Variants in BOK observed in about 807,000 individuals in gnomAD.
BOK encodes the protein bcl-2-related ovarian killer protein.
In BOK, 20 loss-of-function variants were observed where a neutral mutation model predicts 18.3. The observed-to-expected ratio is 1.09, with a 90% CI of 0.77 to 1.59. BOK has a LOEUF of 1.59. Ranked by LOEUF, BOK falls within the 40% of genes most tolerant of loss-of-function variation. The pLI is 0.00. For missense variants in BOK, 348 were observed against 307.9 expected (o/e 1.13, Z -0.97); for synonymous variants, 173 against 142.4 (o/e 1.21, Z -1.53).
At position 241,562,002 on chromosome 2, in the gene BOK, C is replaced by G. The variant is rs1433578987; in HGVS notation, c.221-346C>G. On this transcript the variant is annotated intron_variant, in intron 2 of 4. Transcript: ENST00000318407. This position sits in a 1 kb window ranked among gnomAD's most constrained non-coding sequence, Gnocchi z 4.5. ...CTGGTCCCTCCTGCTCTGGGCAGCT[C>G]GGCTGCCTGTCGGCTGTGAGTCACC... 6.6e-6 allele frequency among the ~76,000 whole-genome samples: 1 copy of G among 152,242 alleles called. No homozygotes were observed. The highest frequency in any genetic ancestry group is 6.5e-5 in the Admixed American group (1 of 15,294).
At position 241,570,167 on chromosome 2, in the gene BOK, C is replaced by T. The variant is rs776428661; in HGVS notation, c.392C>T (p.Ala131Val). 14 of 1,610,900 alleles carry T rather than the reference C, an allele frequency of 8.7e-6. No homozygotes were observed. The highest frequency in any genetic ancestry group is 4.0e-5 in the African/African-American group (3 of 74,846). ...GTGGTGTCCCTGTATGCGGTGGCCG[C>T]GGGGCTGGCCGTGGACTGTGTGAGG... is the stretch of plus-strand genomic sequence containing the variant. ...GKVVSLYAVA[A>V]GLAVDCVRQA... The change falls in exon 4 of 5, where the codon GCG (alanine) becomes GTG (valine). Residue 131 changes from alanine (A) to valine (V), a missense_variant. Ala to Val is a moderately conservative substitution (Grantham distance 64). Transcript: ENST00000318407.
At chr2:241,560,058 T>C in intron 2 of BOK, 2 of 985,250 alleles carry the variant, frequency 2.0e-6, no homozygotes, top group African/African-American at 1.7e-5. Flanking sequence ...CCGATGTTTA[T>C]TTTGGAAAAC....
At chr2:241,561,215 G>A (rs1001137924) in intron 2 of BOK, among the ~76,000 whole-genome samples, 8 of 152,230 alleles carry the variant, frequency 5.3e-5, no homozygotes, top group African/African-American at 9.7e-5. Flanking sequence ...GCCGGGCTGC[G>A]GACTCCCAAT....
chr2:241,564,896 C>T (rs942397067), intron 3 of BOK, among the ~76,000 whole-genome samples: 12 of 152,216 alleles, frequency 7.9e-5, no homozygotes, highest in Admixed American at 6.5e-4. Flanking sequence ...GGGCGCCTCC[C>T]CCTTCGGCAG....
rs556295242 is a variant in BOK, at chr2:241,567,486, C to T, written c.350-2639C>T. 5.2e-5 allele frequency among the ~76,000 whole-genome samples: 7 copies of T among 135,348 alleles called. 1 individual carries two copies. Among genetic ancestry groups the T allele is most frequent in the South Asian group, 2.5e-4 (1 of 4,020 alleles). 88.8% of individuals were successfully genotyped at this position (135,348 alleles called of 152,430 possible). A position where few individuals can be genotyped will look rare whatever the true frequency, so the allele number is the denominator to read the frequency against. ...AGAACAGGTTGTCCCGCAAGCCACACGCAGTGCTGACATCAGGCTCCGCTC... is the reference window on the plus strand; with the variant it reads ...AGAACAGGTTGTCCCGCAAGCCACATGCAGTGCTGACATCAGGCTCCGCTC... On this transcript the variant is annotated intron_variant, in intron 3 of 4. Coordinates refer to ENST00000318407, the MANE Select transcript of BOK (RefSeq NM_032515.5).
intron 3 of BOK, among the ~76,000 whole-genome samples, chr2:241,564,557 G>A (rs1460986567): frequency 6.6e-6 from 1 of 151,932 alleles, no homozygotes; most frequent in Non-Finnish European, 1.5e-5. Context: ...GGCAGGTGGT[G>A]TGGCTCAGGG....
chr2:241,570,027 G>C (rs567506451), intron 3 of BOK, 98 bp from the exon 4 acceptor site: 1 of 1,405,496 alleles, frequency 7.1e-7, no homozygotes, highest in African/African-American at 1.5e-5. Flanking sequence ...TTAGCTGGAC[G>C]GCAAGCAGGA....
rs1306423513 is a variant in BOK at position 241,562,073 on chromosome 2, T to G, written c.221-275T>G. On this transcript the variant is annotated intron_variant, in intron 2 of 4. Transcript: ENST00000318407. The surrounding 1 kb of genome is among the most constrained non-coding windows in gnomAD (Gnocchi z 4.5). ...TCGCAGGATTCCCGCCCCACCGGCT[T>G]GGCCGGCTAGGCTTAGGGGCTGGCT... 6.6e-6 allele frequency among the ~76,000 whole-genome samples: 1 copy of G among 152,260 alleles called. No individual in the cohort carries two copies. The highest frequency in any genetic ancestry group is 2.4e-5 in the African/African-American group (1 of 41,472).
At position 241,562,751 on chromosome 2, in the gene BOK, G is replaced by T. The variant is rs1018655024; in HGVS notation, c.349+275G>T. ...TGGTTGTAGTTGTGGTCCAGCATCC[G>T]TGGGGCCGCGTGACCTGCAGTCCTG... On this transcript the variant is annotated intron_variant, in intron 3 of 4. Transcript: ENST00000318407. The surrounding 1 kb of genome is among the most constrained non-coding windows in gnomAD (Gnocchi z 4.5). Among the ~76,000 whole-genome samples, 1 of 152,214 alleles carries T rather than the reference G, an allele frequency of 6.6e-6. No individual in the cohort carries two copies.
upstream of BOK, among the ~76,000 whole-genome samples, chr2:241,558,299 C>A (rs953654621): frequency 6.6e-6 from 1 of 151,886 alleles, no homozygotes; most frequent in Non-Finnish European, 1.5e-5. Context: ...GGAGGATATC[C>A]CAATAAAAAG....
At chr2:241,566,590 AAC>A (rs983250052) in intron 3 of BOK, among the ~76,000 whole-genome samples, 16 of 151,970 alleles carry the variant, frequency 1.1e-4, no homozygotes, top group African/African-American at 2.9e-4. Flanking sequence ...GCTGGGAAAA[AAC>A]ACAAATCAGA....
chr2:241,563,631 CCCTTG>C (rs989821616), intron 3 of BOK, among the ~76,000 whole-genome samples: 4 of 152,210 alleles, frequency 2.6e-5, no homozygotes, highest in African/African-American at 9.6e-5. Context: ...GCCTTGCACA[CCCTTG>C]TCTGGGAGCT....
At chr2:241,557,499 C>T (rs1373881921), upstream of BOK, among the ~76,000 whole-genome samples, 6 of 151,844 alleles carry the variant, frequency 4.0e-5, no homozygotes, top group East Asian at 1.9e-4. Flanking sequence ...CTAGTAGAGA[C>T]GGGGTTTTCA....
chr2:241,554,988 A>G (rs1052568206), upstream of BOK, among the ~76,000 whole-genome samples: 2 of 152,144 alleles, frequency 1.3e-5, no homozygotes, highest in Non-Finnish European at 2.9e-5. Flanking sequence ...ACAGAAAATC[A>G]GGGCCAAAGG....
At chr2:241,561,163 C>G (rs1046851794) in intron 2 of BOK, among the ~76,000 whole-genome samples, 2 of 152,180 alleles carry the variant, frequency 1.3e-5, no homozygotes, top group African/African-American at 4.8e-5. Flanking sequence ...CTGGGATGGT[C>G]CGGTCAGCAG....
Position 241,562,393 on chromosome 2 carries a change from CGCGTCAGCT to C in BOK, c.269_277del (p.Arg90_Leu92del). On this transcript the variant is annotated inframe_deletion, in exon 3 of 5. Coordinates refer to ENST00000318407, the MANE Select transcript of BOK (RefSeq NM_032515.5). This position sits in a 1 kb window ranked among gnomAD's most constrained non-coding sequence, Gnocchi z 4.5. The stretch of plus-strand genomic sequence containing the variant: ...CGGCCCAGCGTCTACCGCAACGTGG[CGCGTCAGCT>C]GCACATCTCCCTGCAGTCTGAGCCT... 1 of 1,611,848 alleles carries C rather than the reference CGCGTCAGCT, an allele frequency of 6.2e-7. No homozygotes were observed. Among genetic ancestry groups the C allele is most frequent in the Non-Finnish European group, 8.5e-7 (1 of 1,179,732 alleles).
chr2:241,560,971 C>T (rs980073960), intron 2 of BOK, among the ~76,000 whole-genome samples: 2 of 152,206 alleles, frequency 1.3e-5, no homozygotes, highest in African/African-American at 2.4e-5. Flanking sequence ...CAGGAAGAAG[C>T]CCGGGTTGTG....
In BOK at chr2:241,562,209, T is replaced by G. The variant is rs2066535648; in HGVS notation, c.221-139T>G. ...GAGGTCAGATGGGGTCAAGTGGAGG[T>G]GGGAATCAGACAAGTGAGGAACAGG... On this transcript the variant is annotated intron_variant, in intron 2 of 4. Coordinates refer to ENST00000318407, the MANE Select transcript of BOK (RefSeq NM_032515.5). The surrounding 1 kb of genome is among the most constrained non-coding windows in gnomAD (Gnocchi z 4.5). 2.6e-6 allele frequency: 3 copies of G among 1,140,188 alleles called. No individual in the cohort carries two copies. Among genetic ancestry groups the G allele is most frequent in the African/African-American group, 3.2e-5 (2 of 63,230 alleles). 70.6% of individuals were successfully genotyped at this position (1,140,188 alleles called of 1,614,324 possible). A position where few individuals can be genotyped will look rare whatever the true frequency, so the allele number is the denominator to read the frequency against.
upstream of BOK, among the ~76,000 whole-genome samples, chr2:241,555,279 T>G (rs1290227467): frequency 6.6e-6 from 1 of 152,020 alleles, no homozygotes; most frequent in Non-Finnish European, 1.5e-5. Flanking sequence ...CCTGAACTCC[T>G]GGGCTCAAGC....
Sources: allele counts gnomAD v4.1 joint callset (sites outside exome capture counted in the v4.1 genomes callset), GRCh38; gene constraint gnomAD v4.1.1; non-coding constraint Gnocchi (gnomAD v3.1); transcripts MANE v1.5; gene names NCBI Gene and HGNC (gene_info 2026-07-23, HGNC 2026-07-21).